Variants in MTCH1 observed in about 807,000 individuals in gnomAD.
The protein encoded by MTCH1 is mitochondrial carrier homolog 1.
Under a neutral mutation model 49.3 loss-of-function variants are expected in MTCH1, and 23 were observed. The ratio of observed to expected loss-of-function variants is 0.47; its 90% confidence interval spans 0.34 to 0.66. MTCH1 has a LOEUF of 0.66. Among genes scored for constraint, MTCH1 ranks in the 30% least tolerant of loss-of-function variants. The probability of loss-of-function intolerance (pLI) is 0.01; values close to 1 mark genes in which losing one functional copy is unlikely to be tolerated. For missense variants in MTCH1, 397 were observed against 532.1 expected, an observed-to-expected ratio of 0.75 and a Z score of 2.50; for synonymous variants, 229 against 215.2, an observed-to-expected ratio of 1.06 and a Z score of -0.56.
At chr6:36,975,235 A>C (rs946427932) in intron 7 of MTCH1, among the ~76,000 whole-genome samples, 2 of 152,394 alleles carry the variant, frequency 1.3e-5, no homozygotes, top group African/African-American at 4.8e-5. Context: ...CTAATTTGTC[A>C]GAAAAGCAAT....
chr6:36,972,862 C>T lies in MTCH1; in HGVS notation c.762-66G>A, dbSNP rs1763731437. On this transcript the variant is annotated intron_variant, in intron 7 of 11. Coordinates refer to ENST00000373627, the MANE Select transcript of MTCH1 (RefSeq NM_001271641.2). This position sits in a 1 kb window ranked among gnomAD's most constrained non-coding sequence, Gnocchi z 4.1. Reference sequence around the variant, plus strand: ...GGAGCAGTTCCTGGGGGCTCCACACCCAGGAAGCAGGCAGGGATGTTCCGA... The same window carrying T: ...GGAGCAGTTCCTGGGGGCTCCACACTCAGGAAGCAGGCAGGGATGTTCCGA... The T allele has an allele frequency of 1.4e-6, 2 of 1,460,926 alleles. No individual in the cohort carries two copies. The highest frequency in any genetic ancestry group is 9.3e-7 in the Non-Finnish European group (1 of 1,076,760). 90.5% of individuals were successfully genotyped at this position (1,460,926 alleles called of 1,614,324 possible).
intron 7 of MTCH1, among the ~76,000 whole-genome samples, chr6:36,975,190 T>G (rs1360431864): frequency 6.6e-6 from 1 of 152,220 alleles, no homozygotes; most frequent in Non-Finnish European, 1.5e-5. Context: ...CATGTGGATT[T>G]TTGTGCAACA....
In MTCH1 at chr6:36,972,653, T is replaced by TG. The variant is rs767651201; in HGVS notation, c.904dup (p.Gln302ProfsTer91). ...GGACAAGTCCTTGTTCCAACCAACC[T>TG]GGGAACCTGGATTCTGGTCGTTTCC... On this transcript the variant is annotated frameshift_variant and splice_region_variant, in exon 8 of 12. Coordinates refer to ENST00000373627, the MANE Select transcript of MTCH1 (RefSeq NM_001271641.2). LOFTEE classifies it high-confidence loss of function. The surrounding 1 kb of genome is among the most constrained non-coding windows in gnomAD (Gnocchi z 4.1). 10 of 1,550,370 alleles carry TG rather than the reference T, an allele frequency of 6.5e-6. No homozygotes were observed. The highest frequency in any genetic ancestry group is 8.7e-6 in the Non-Finnish European group (10 of 1,145,900).
In MTCH1 at chr6:36,977,529, C is replaced by T; in HGVS notation, c.649+105G>A. ...TACCCCCAACCCCACTACCACTTCCCAACAGGTCTACGGCTGTCTATGTAC... is the reference window on the plus strand; with the variant it reads ...TACCCCCAACCCCACTACCACTTCCTAACAGGTCTACGGCTGTCTATGTAC... On this transcript the variant is annotated intron_variant, in intron 5 of 11. Coordinates refer to ENST00000373627, the MANE Select transcript of MTCH1 (RefSeq NM_001271641.2). This position sits in a 1 kb window ranked among gnomAD's most constrained non-coding sequence, Gnocchi z 5.4. 1.2e-6 allele frequency: 1 copy of T among 802,586 alleles called. No individual in the cohort carries two copies. Among genetic ancestry groups the T allele is most frequent in the Non-Finnish European group, 2.0e-6 (1 of 489,740 alleles). 49.7% of individuals were successfully genotyped at this position (802,586 alleles called of 1,614,324 possible). A position where few individuals can be genotyped will look rare whatever the true frequency, so the allele number is the denominator to read the frequency against.
At position 36,979,117 on chromosome 6, in the gene MTCH1, C is replaced by T. The variant is rs550564432; in HGVS notation, c.407-506G>A. ...GGCTCCCAGAAGACAGGCTCAAGAACGCCCCCTGCACATGCCACGGCCAGG... is the reference window on the plus strand; with the variant it reads ...GGCTCCCAGAAGACAGGCTCAAGAATGCCCCCTGCACATGCCACGGCCAGG... On this transcript the variant is annotated intron_variant, in intron 2 of 11. Coordinates refer to ENST00000373627, the MANE Select transcript of MTCH1 (RefSeq NM_001271641.2). Among the ~76,000 whole-genome samples, 78 of 152,118 alleles carry T rather than the reference C, an allele frequency of 5.1e-4. 2 individuals are homozygous for T. Among genetic ancestry groups the T allele is most frequent in the Admixed American group, 1.3e-4 (2 of 15,276 alleles).
Position 36,968,298 on chromosome 6 carries a change from G to C in MTCH1, c.*605C>G, listed in dbSNP as rs1177234923. ...GTACGCGAGGCATCACCATTAAACA[G>C]ATGAGCATTAGATGAGGAGGACACA... On this transcript the variant is annotated 3_prime_UTR_variant, in exon 12 of 12. Transcript: ENST00000373627. 2 of 213,426 alleles carry C rather than the reference G, an allele frequency of 9.4e-6. No individual in the cohort carries two copies. Among genetic ancestry groups the C allele is most frequent in the Non-Finnish European group, 1.9e-5 (2 of 104,924 alleles). 13.2% of individuals were successfully genotyped at this position (213,426 alleles called of 1,614,324 possible). A position where few individuals can be genotyped will look rare whatever the true frequency, so the allele number is the denominator to read the frequency against.
In MTCH1 at chr6:36,981,481, T is replaced by C. The variant is rs967786362; in HGVS notation, c.406+107A>G. 5 of 999,840 alleles carry C rather than the reference T, an allele frequency of 5.0e-6. No homozygotes were observed. The African/African-American group carries it at 8.2e-5, about 16-fold the overall frequency. The allele number at this position is 999,840 out of a possible 1,614,324, so 61.9% of individuals were successfully genotyped here. On this transcript the variant is annotated intron_variant, in intron 2 of 11. Coordinates refer to ENST00000373627, the MANE Select transcript of MTCH1 (RefSeq NM_001271641.2). ...ATCCCCTCCTCCATGCCAGCTCGAC[T>C]GCGTGCCATGCTGCGCAGTGAGTTC...
In MTCH1 at chr6:36,977,485, G is replaced by A. The variant is rs1763924262; in HGVS notation, c.649+149C>T. The A allele has an allele frequency of 2.9e-6, 2 of 690,326 alleles. No individual in the cohort carries two copies. The highest frequency in any genetic ancestry group is 5.0e-6 in the Non-Finnish European group (2 of 397,076). The allele number at this position is 690,326 out of a possible 1,614,324, so 42.8% of individuals were successfully genotyped here. ...GAAAGAATTCCAATCTCTCCTCAGT[G>A]AGGTGGGTTCCAGTAGAATACCCCC... On this transcript the variant is annotated intron_variant, in intron 5 of 11. Transcript: ENST00000373627. The surrounding 1 kb of genome is among the most constrained non-coding windows in gnomAD (Gnocchi z 5.4).
Sources: allele counts gnomAD v4.1 joint callset (sites outside exome capture counted in the v4.1 genomes callset), GRCh38; gene constraint gnomAD v4.1.1; non-coding constraint Gnocchi (gnomAD v3.1); transcripts MANE v1.5; gene names NCBI Gene and HGNC (gene_info 2026-07-23, HGNC 2026-07-21).